The following DHX9 variants were observed in gnomAD, a reference collection of about 807,000 sequenced individuals.
The protein encoded by DHX9 is DExH-box helicase 9.
In DHX9, 27 loss-of-function variants were observed where a neutral mutation model predicts 148.7. The ratio of observed to expected loss-of-function variants is 0.18; its 90% confidence interval spans 0.13 to 0.25. The LOEUF (loss-of-function observed/expected upper bound fraction) is 0.25, where lower values mean the gene tolerates loss of function less well. Ranked by LOEUF, DHX9 falls within the 10% of genes least tolerant of loss-of-function variation. DHX9 has a pLI of 1.00. For missense variants in DHX9, 796 were observed against 1,559.6 expected, an observed-to-expected ratio of 0.51 and a Z score of 8.25; for synonymous variants, 529 against 516.6, an observed-to-expected ratio of 1.02 and a Z score of -0.33.
intron 5 of DHX9, 56 bp downstream of exon 5, chr1:182,853,474 C>T (rs1352163783): frequency 1.5e-6 from 2 of 1,328,508 alleles, no homozygotes; most frequent in Non-Finnish European, 2.1e-6. Context: ...ACTTAGTTAA[C>T]AGCAAAGCTT....
chr1:182,852,269 A>G lies in DHX9; in HGVS notation c.289A>G (p.Thr97Ala), dbSNP rs766833762. The G allele has an allele frequency of 3.1e-6, 5 of 1,613,024 alleles. No homozygotes were observed. Among genetic ancestry groups the G allele is most frequent in the South Asian group, 1.1e-5 (1 of 90,934 alleles). ...GCCCCCACTTACTGATACTCCTGAC[A>G]CTACAGCAAATGCTGAAGGAGATTT... is the stretch of plus-strand genomic sequence containing the variant. The part of the protein sequence containing the change: ...SPPPLTDTPD[T>A]TANAEGDLPT... Residue 97 changes from threonine to alanine, a missense_variant, in exon 4 of 28, where the codon ACT (threonine) becomes GCT (alanine). Physicochemically the swap from Thr to Ala is moderately conservative, Grantham distance 58. This residue lies in a region of DHX9 where 89 missense variants were observed against 77.5 expected (regional missense o/e 1.15). Transcript: ENST00000367549.
intron 16 of DHX9, 86 bp from the exon 17 acceptor site, chr1:182,875,964 T>C (rs1310184478): frequency 1.0e-6 from 1 of 979,072 alleles, no homozygotes; most frequent in African/African-American, 1.6e-5. Context: ...ACATTACAAG[T>C]AATTAGAGTC....
chr1:182,854,745 G>T, intron 6 of DHX9, among the ~76,000 whole-genome samples: 1 of 152,200 alleles, frequency 6.6e-6, no homozygotes, highest in South Asian at 2.1e-4. Context: ...CTTTTTTCCT[G>T]TTAAATGTAT....
chr1:182,850,103 A>G (rs946427871), intron 3 of DHX9, among the ~76,000 whole-genome samples: 4 of 149,830 alleles, frequency 2.7e-5, no homozygotes, highest in Non-Finnish European at 4.4e-5. Context: ...TCTGTCTCTG[A>G]CTGCTCCTTA....
At chr1:182,842,732 A>G in intron 2 of DHX9, 55 bp downstream of exon 2, 5 of 1,423,744 alleles carry the variant, frequency 3.5e-6, no homozygotes, top group Non-Finnish European at 4.8e-6. Flanking sequence ...TTTTGGGGTT[A>G]AAAGAAAAAT....
chr1:182,841,986 A>G (rs943820428), intron 1 of DHX9, among the ~76,000 whole-genome samples: 8 of 152,232 alleles, frequency 5.3e-5, no homozygotes, highest in Non-Finnish European at 1.0e-4. Flanking sequence ...TTTGGGGACA[A>G]TATGCTAGTG....
At chr1:182,880,277 C>T (rs1448191237) in intron 21 of DHX9, among the ~76,000 whole-genome samples, 1 of 152,066 alleles carries the variant, frequency 6.6e-6, no homozygotes, top group South Asian at 2.1e-4. Context: ...GTTTTTATAA[C>T]CTACAGGATT....
rs780882967 is a variant in DHX9, at chr1:182,852,293, T to G, written c.313T>G (p.Leu105Val). Residue 105 changes from leucine (L) to valine (V), a missense_variant, in exon 4 of 28, where the codon TTA becomes GTA. Leu to Val is a conservative substitution (Grantham distance 32). Coordinates refer to ENST00000367549, the MANE Select transcript of DHX9 (RefSeq NM_001357.5). ...CACTACAGCAAATGCTGAAGGAGATTTACCAACAACCATGGGAGGACCTCT... is the reference window on the plus strand; with the variant it reads ...CACTACAGCAAATGCTGAAGGAGATGTACCAACAACCATGGGAGGACCTCT... ...PDTTANAEGD[L>V]PTTMGGPLPP... 1.2e-6 allele frequency: 2 copies of G among 1,613,072 alleles called. No individual in the cohort carries two copies. Among genetic ancestry groups the G allele is most frequent in the African/African-American group, 1.3e-5 (1 of 74,876 alleles).
rs11465004 is a variant in DHX9, at chr1:182,849,947, C to CAA, written c.253-2280_253-2279dup. On this transcript the variant is annotated intron_variant, in intron 3 of 27. Coordinates refer to ENST00000367549, the MANE Select transcript of DHX9 (RefSeq NM_001357.5). ...TTTTTACTTGTGTTTTTTGCCATAT[C>CAA]AAAAAAACTGGTTCATTGTAAAGTG... is the stretch of plus-strand genomic sequence containing the variant. Among the ~76,000 whole-genome samples, 160 of 146,950 alleles carry CAA rather than the reference C, an allele frequency of 1.1e-3. 1 individual carries two copies. The highest frequency in any genetic ancestry group is 3.7e-3 in the African/African-American group (146 of 39,140).
In DHX9 at chr1:182,883,181, A is replaced by G; in HGVS notation, c.2957A>G (p.Asn986Ser). ...TQVFTNTGPDNNLDVVISLLA... is the reference protein window; with the variant it reads ...TQVFTNTGPDSNLDVVISLLA... ...GTGTTTACTAACACTGGACCAGATA[A>G]TAATTTGGATGTTGTTATCTCCCTC... is the stretch of plus-strand genomic sequence containing the variant. Residue 986 changes from asparagine (N) to serine (S), a missense_variant, in exon 25 of 28, where the codon AAT becomes AGT. Physicochemically the swap from Asn to Ser is conservative, Grantham distance 46. Coordinates refer to ENST00000367549, the MANE Select transcript of DHX9 (RefSeq NM_001357.5). 1.2e-6 allele frequency: 2 copies of G among 1,614,130 alleles called. No homozygotes were observed. The highest frequency in any genetic ancestry group is 1.7e-6 in the Non-Finnish European group (2 of 1,179,986).
chr1:182,884,406 G>C (rs1649227560), intron 26 of DHX9, among the ~76,000 whole-genome samples: 1 of 151,962 alleles, frequency 6.6e-6, no homozygotes, highest in East Asian at 1.9e-4. Context: ...AGCTAGCAGT[G>C]AATTTTAAGA....
chr1:182,862,409 T>G (rs1240386726), intron 12 of DHX9, among the ~76,000 whole-genome samples: 1 of 152,208 alleles, frequency 6.6e-6, no homozygotes, highest in Non-Finnish European at 1.5e-5. Flanking sequence ...GCAGAAAATT[T>G]TAAGTAGGAA....
intron 6 of DHX9, among the ~76,000 whole-genome samples, chr1:182,854,512 AT>A (rs3838484): frequency 4.0e-5 from 6 of 149,998 alleles, no homozygotes; most frequent in Admixed American, 1.3e-4. Flanking sequence ...AAAGGTGGTG[AT>A]TTTTTTTTTC....
chr1:182,842,187 G>A (rs1667945040), intron 1 of DHX9, among the ~76,000 whole-genome samples: 1 of 152,146 alleles, frequency 6.6e-6, no homozygotes, highest in African/African-American at 2.4e-5. Flanking sequence ...TTGTTGTGAG[G>A]ATGAACTGAG....
At position 182,859,055 on chromosome 1, in the gene DHX9, A is replaced by G; in HGVS notation, c.1078A>G (p.Ile360Val). The part of the protein sequence containing the change: ...GPLAFATPEQ[I>V]SMDLKNELMY... ...TGTTTTACAGGCTACTCCAGAGCAAATAAGCATGGACCTCAAGAATGAATT... is the reference window on the plus strand; with the variant it reads ...TGTTTTACAGGCTACTCCAGAGCAAGTAAGCATGGACCTCAAGAATGAATT... Residue 360 changes from isoleucine to valine, a missense_variant, in exon 11 of 28, where the codon ATA becomes GTA. By Grantham distance (29) the Ile-to-Val change is conservative (BLOSUM62 3). Transcript: ENST00000367549. 3 of 1,614,156 alleles carry G rather than the reference A, an allele frequency of 1.9e-6. No homozygotes were observed. The highest frequency in any genetic ancestry group is 2.5e-6 in the Non-Finnish European group (3 of 1,180,020).
chr1:182,878,946 A>T (rs1167566221), intron 20 of DHX9, among the ~76,000 whole-genome samples: 1 of 152,228 alleles, frequency 6.6e-6, no homozygotes, highest in Non-Finnish European at 1.5e-5. Flanking sequence ...ATGTTTGTCA[A>T]CAGGCAAGGC....
intron 21 of DHX9, among the ~76,000 whole-genome samples, chr1:182,880,157 A>G (rs1649022941): frequency 6.6e-6 from 1 of 152,028 alleles, no homozygotes; most frequent in Non-Finnish European, 1.5e-5. Context: ...TCTAGATTTT[A>G]TTTTTTTTAA....
In DHX9 at chr1:182,881,532, A is replaced by G. The variant is rs767412547; in HGVS notation, c.2799A>G (p.Glu933=). The change falls in exon 24 of 28, where the codon GAA becomes GAG. Residue 933 remains glutamate, a synonymous_variant. Transcript: ENST00000367549. The part of the protein sequence containing the change: ...QAWDDARMGG[E]EAEIRFCEHK... ...CAATTTATTTTAGAATGGGTGGAGA[A>G]GAAGCAGAGATACGTTTTTGTGAGC... 6 of 1,612,188 alleles carry G rather than the reference A, an allele frequency of 3.7e-6. No homozygotes were observed. Among genetic ancestry groups the G allele is most frequent in the Non-Finnish European group, 4.2e-6 (5 of 1,179,472 alleles).
At chr1:182,885,182 GT>G (rs2102623355) in intron 27 of DHX9, among the ~76,000 whole-genome samples, 1 of 152,222 alleles carries the variant, frequency 6.6e-6, no homozygotes, top group African/African-American at 2.4e-5. Flanking sequence ...ATGTTAAATT[GT>G]TTCTGTATCA....
Sources: allele counts gnomAD v4.1 joint callset (sites outside exome capture counted in the v4.1 genomes callset), GRCh38; gene constraint gnomAD v4.1.1; regional missense constraint gnomAD v4.1.1; transcripts MANE v1.5; gene names NCBI Gene and HGNC (gene_info 2026-07-23, HGNC 2026-07-21).